Variants in PTPRM observed in about 807,000 individuals in gnomAD.
The protein encoded by PTPRM is protein tyrosine phosphatase receptor type M, also known as receptor-type tyrosine-protein phosphatase mu.
Under a neutral mutation model 186.7 loss-of-function variants are expected in PTPRM, and 47 were observed. That is an observed-to-expected ratio of 0.25 (90% CI 0.20 to 0.32). The LOEUF is 0.32. Ranked by LOEUF, PTPRM falls within the 10% of genes least tolerant of loss-of-function variation. The probability of loss-of-function intolerance (pLI) is 1.00; values close to 1 mark genes in which losing one functional copy is unlikely to be tolerated. For synonymous variants in PTPRM, 668 were observed against 674.9 expected (o/e 0.99, Z 0.16); for missense variants, 1,494 against 1,865.0 (o/e 0.80, Z 3.66).
chr18:8,336,514 T>C (rs1202643734), intron 22 of PTPRM, among the ~76,000 whole-genome samples: 1 of 150,578 alleles, frequency 6.6e-6, no homozygotes, highest in Non-Finnish European at 1.5e-5. Flanking sequence ...ATCATACCAC[T>C]GCACTCCAGC....
intron 2 of PTPRM, among the ~76,000 whole-genome samples, chr18:7,845,424 G>C (rs1377636562): frequency 6.6e-6 from 1 of 152,054 alleles, no homozygotes; most frequent in Admixed American, 6.6e-5. Flanking sequence ...CACTTTTTTT[G>C]TGAAGCAGTG....
At chr18:8,180,485 A>C (rs960993859) in intron 14 of PTPRM, among the ~76,000 whole-genome samples, 2 of 152,200 alleles carry the variant, frequency 1.3e-5, no homozygotes, top group African/African-American at 4.8e-5. Flanking sequence ...GGGCAACTTG[A>C]GAGAGTCAAG....
intron 19 of PTPRM, among the ~76,000 whole-genome samples, chr18:8,264,435 T>C (rs919073830): frequency 1.4e-5 from 2 of 144,636 alleles, no homozygotes; most frequent in Non-Finnish European, 3.0e-5. Context: ...ATGTTGAGGG[T>C]ACCTGCCCTT....
intron 1 of PTPRM, among the ~76,000 whole-genome samples, chr18:7,594,545 GA>G (rs1182880187): frequency 1.3e-5 from 2 of 152,060 alleles, no homozygotes; most frequent in African/African-American, 4.8e-5. Context: ...ACATCAGGGT[GA>G]AAAAGTAAGG....
At chr18:7,904,373 G>A (rs1281870773) in intron 3 of PTPRM, among the ~76,000 whole-genome samples, 2 of 152,108 alleles carry the variant, frequency 1.3e-5, no homozygotes, top group African/African-American at 4.8e-5. Flanking sequence ...ACCAACACAA[G>A]GAGTGGTGGT....
At chr18:7,643,674 T>C (rs779088280) in intron 1 of PTPRM, among the ~76,000 whole-genome samples, 10 of 152,172 alleles carry the variant, frequency 6.6e-5, no homozygotes, top group Non-Finnish European at 1.5e-4. Flanking sequence ...ATTTCTTCTC[T>C]ATTTTTTTGG....
At chr18:8,361,901 A>G (rs895076863) in intron 23 of PTPRM, among the ~76,000 whole-genome samples, 2 of 152,226 alleles carry the variant, frequency 1.3e-5, no homozygotes, top group African/African-American at 4.8e-5. Flanking sequence ...TCTTAAAAAT[A>G]AAATGTTATC....
At chr18:8,114,052 A>G (rs1472758213) in intron 12 of PTPRM, among the ~76,000 whole-genome samples, 1 of 150,762 alleles carries the variant, frequency 6.6e-6, no homozygotes, top group Admixed American at 6.6e-5. Flanking sequence ...TTACTATTTT[A>G]CAGGAAGACA....
intron 7 of PTPRM, among the ~76,000 whole-genome samples, chr18:8,003,328 G>T (rs991798459): frequency 3.3e-5 from 5 of 152,170 alleles, no homozygotes; most frequent in Non-Finnish European, 7.3e-5. Flanking sequence ...CCATGATTGT[G>T]AGGCCTCCCC....
intron 2 of PTPRM, among the ~76,000 whole-genome samples, chr18:7,874,677 C>T (rs930373146): frequency 2.0e-5 from 3 of 151,912 alleles, no homozygotes; most frequent in Non-Finnish European, 2.9e-5. Flanking sequence ...AACCTGAAAA[C>T]GAAATAGTGT....
chr18:8,088,796 G>A lies in PTPRM; in HGVS notation c.1801G>A (p.Asp601Asn), dbSNP rs757294435. 1.2e-5 allele frequency: 19 copies of A among 1,613,160 alleles called. No individual in the cohort carries two copies. Among genetic ancestry groups the A allele is most frequent in the Non-Finnish European group, 1.6e-5 (19 of 1,179,390 alleles). Residue 601 changes from aspartate (D) to asparagine (N), a missense_variant, in exon 11 of 33, where the codon GAC becomes AAC. Asp to Asn is a conservative substitution (Grantham distance 23, BLOSUM62 1). Coordinates refer to ENST00000580170, the MANE Select transcript of PTPRM (RefSeq NM_001105244.2). ...ACTTGAGACACCTTTGAATCAAACT[G>A]ACAATACCGTGACAGTCATGCTGAA... is the stretch of plus-strand genomic sequence containing the variant. ...YELETPLNQT[D>N]NTVTVMLKPA... is the part of the protein sequence containing the mutation.
At chr18:7,618,718 T>A (rs2037866012) in intron 1 of PTPRM, among the ~76,000 whole-genome samples, 1 of 152,166 alleles carries the variant, frequency 6.6e-6, no homozygotes, top group South Asian at 2.1e-4. Flanking sequence ...CCCGTGACAT[T>A]TAAGATGCGT....
chr18:7,993,413 T>C (rs943786752), intron 7 of PTPRM, among the ~76,000 whole-genome samples: 4 of 152,100 alleles, frequency 2.6e-5, no homozygotes, highest in Non-Finnish European at 1.5e-5. Flanking sequence ...AAGTCTCCTC[T>C]TTGAGGCACA....
chr18:7,817,430 A>G (rs374571353), intron 2 of PTPRM, among the ~76,000 whole-genome samples: 10 of 152,244 alleles, frequency 6.6e-5, no homozygotes, highest in Non-Finnish European at 1.3e-4. Flanking sequence ...ATAAGTTGAT[A>G]GAAATGTAAT....
chr18:8,313,809 T>C (rs1308865848), intron 20 of PTPRM, among the ~76,000 whole-genome samples: 4 of 152,034 alleles, frequency 2.6e-5, no homozygotes, highest in Non-Finnish European at 4.4e-5. Context: ...CCCTCTTAGC[T>C]TAGCTCCCAT....
At position 7,796,170 on chromosome 18, in the gene PTPRM, T is replaced by A. The variant is rs76865234; in HGVS notation, c.196+21899T>A. ...ACAAAGATGGTAGATTTAACAGATG[T>A]GATTAGTAACAAGCAGATGATGTAA... is the stretch of plus-strand genomic sequence containing the variant. On this transcript the variant is annotated intron_variant, in intron 2 of 32. Coordinates refer to ENST00000580170, the MANE Select transcript of PTPRM (RefSeq NM_001105244.2). Among the ~76,000 whole-genome samples the A allele has an allele frequency of 5.6e-3, 847 of 151,724 alleles. 6 individuals are homozygous for A. The highest frequency in any genetic ancestry group is 0.019 in the African/African-American group (801 of 41,366).
chr18:8,380,908 A>G (rs573371798), intron 29 of PTPRM, among the ~76,000 whole-genome samples: 1 of 152,182 alleles, frequency 6.6e-6, no homozygotes, highest in Admixed American at 6.5e-5. Context: ...ATCGTCATGC[A>G]GGGCAGGTAG....
Position 8,244,156 on chromosome 18 carries a change from C to T in PTPRM, c.2399C>T (p.Thr800Ile). The change falls in exon 15 of 33, where the codon ACA becomes ATA. Residue 800 changes from threonine to isoleucine, a missense_variant. Thr to Ile is a moderately conservative substitution (Grantham distance 89). Coordinates refer to ENST00000580170, the MANE Select transcript of PTPRM (RefSeq NM_001105244.2). ...GACAAGAGCTATGCTGAGCAGGGCA[C>T]AAACTGCGACGAGGCTTTCTCATTC... The part of the protein sequence containing the change: ...SMDKSYAEQG[T>I]NCDEAFSFMD... 1 of 1,601,046 alleles carries T rather than the reference C, an allele frequency of 6.2e-7. No individual in the cohort carries two copies.
intron 7 of PTPRM, among the ~76,000 whole-genome samples, chr18:8,002,857 T>A (rs539470445): frequency 2.9e-4 from 44 of 152,366 alleles, no homozygotes; most frequent in African/African-American, 1.0e-3. Context: ...GAAATGCTGA[T>A]ACATCTCTGC....
Sources: gnomAD v4.1 joint callset for allele counts (sites outside exome capture counted in the v4.1 genomes callset) on GRCh38, gnomAD v4.1.1 for gene constraint, MANE v1.5 for transcripts, NCBI Gene and HGNC (gene_info 2026-07-23, HGNC 2026-07-21) for gene names.